The following LGSN variants were observed in gnomAD, a reference collection of about 807,000 sequenced individuals.
LGSN encodes the protein lengsin.
Under a neutral mutation model 19.5 loss-of-function variants are expected in LGSN, and 21 were observed. That is an observed-to-expected ratio of 1.07 (90% CI 0.76 to 1.55). The LOEUF (loss-of-function observed/expected upper bound fraction) is 1.55. Ranked by LOEUF, LGSN falls within the 40% of genes most tolerant of loss-of-function variation. LGSN has a pLI of 0.00. For synonymous variants in LGSN, 257 were observed against 215.6 expected, an observed-to-expected ratio of 1.19 and a Z score of -1.68; for missense variants, 673 against 608.5, an observed-to-expected ratio of 1.11 and a Z score of -1.12.
chr6:63,509,881 T>A, the LGSN span, among the ~76,000 whole-genome samples: 4 of 152,224 alleles, frequency 2.6e-5, no homozygotes, highest in Admixed American at 2.6e-4. Context: ...TGTTTTGCCC[T>A]TCCTCCCACA....
the LGSN span, among the ~76,000 whole-genome samples, chr6:63,433,350 A>C: frequency 6.6e-6 from 1 of 152,320 alleles, no homozygotes; most frequent in Non-Finnish European, 1.5e-5. Flanking sequence ...ATACTATGTT[A>C]ATTACTTCTA....
intron 1 of LGSN, among the ~76,000 whole-genome samples, chr6:63,296,454 A>C (rs554426074): frequency 6.6e-6 from 1 of 151,430 alleles, no homozygotes; most frequent in Admixed American, 6.6e-5. Flanking sequence ...ATAGTCTATA[A>C]TTTTACTTTT....
intron 1 of LGSN, among the ~76,000 whole-genome samples, chr6:63,311,702 C>A (rs548302457): frequency 1.3e-5 from 2 of 152,276 alleles, no homozygotes; most frequent in East Asian, 3.9e-4. Context: ...AACAAATTAG[C>A]ATGAATTTAC....
the LGSN span, among the ~76,000 whole-genome samples, chr6:63,530,891 CAG>C: frequency 6.6e-6 from 1 of 152,072 alleles, no homozygotes; most frequent in Non-Finnish European, 1.5e-5. Flanking sequence ...TATAAACTAT[CAG>C]AGATGTAATG....
chr6:63,384,402 C>A, the LGSN span, among the ~76,000 whole-genome samples: 1 of 152,084 alleles, frequency 6.6e-6, no homozygotes. Flanking sequence ...TTTTCCACTA[C>A]CGTTATGAGC....
chr6:63,524,021 G>T, the LGSN span, among the ~76,000 whole-genome samples: 1 of 151,256 alleles, frequency 6.6e-6, no homozygotes, highest in African/African-American at 2.4e-5. Flanking sequence ...TTGCTCTGTC[G>T]CCCAGGCTGG....
chr6:63,281,676 G>T (rs2127381533), intron 3 of LGSN, among the ~76,000 whole-genome samples: 1 of 152,114 alleles, frequency 6.6e-6, no homozygotes, highest in East Asian at 1.9e-4. Flanking sequence ...ACCCTCAAAA[G>T]TCTACAGTAA....
chr6:63,356,027 T>C, the LGSN span, among the ~76,000 whole-genome samples: 1 of 148,936 alleles, frequency 6.7e-6, no homozygotes, highest in Non-Finnish European at 1.5e-5. Context: ...TCACATATTC[T>C]TCCTTCTACG....
chr6:63,569,519 C>G, the LGSN span, among the ~76,000 whole-genome samples: 1 of 152,244 alleles, frequency 6.6e-6, no homozygotes, highest in Admixed American at 6.5e-5. Context: ...CCACCTTGGT[C>G]TCCCAAAGTA....
chr6:63,444,295 G>A, the LGSN span, among the ~76,000 whole-genome samples: 1 of 152,142 alleles, frequency 6.6e-6, no homozygotes, highest in Non-Finnish European at 1.5e-5. Flanking sequence ...GGCAAGGGAT[G>A]GAGCTGGCAT....
intron 1 of LGSN, among the ~76,000 whole-genome samples, chr6:63,310,486 C>T (rs1329415370): frequency 6.6e-6 from 1 of 151,918 alleles, no homozygotes; most frequent in Non-Finnish European, 1.5e-5. Context: ...AATCTATTCT[C>T]TCAGCAATTT....
At chr6:63,430,425 G>C in the LGSN span, among the ~76,000 whole-genome samples, 1 of 152,026 alleles carries the variant, frequency 6.6e-6, no homozygotes, top group African/African-American at 2.4e-5. Flanking sequence ...GTCTTGCTCT[G>C]TCTCTCAAGC....
chr6:63,422,520 T>G, the LGSN span, among the ~76,000 whole-genome samples: 2 of 152,144 alleles, frequency 1.3e-5, no homozygotes, highest in Non-Finnish European at 2.9e-5. Flanking sequence ...AACCTATAAA[T>G]TATCTAAAAA....
chr6:63,458,050 T>TTATTTG, the LGSN span, among the ~76,000 whole-genome samples: 1 of 151,142 alleles, frequency 6.6e-6, no homozygotes. Flanking sequence ...ATAATTTCAT[T>TTATTTG]TATTTTTATT....
the LGSN span, among the ~76,000 whole-genome samples, chr6:63,446,418 A>C: frequency 6.6e-6 from 1 of 152,036 alleles, no homozygotes; most frequent in Non-Finnish European, 1.5e-5. Flanking sequence ...ACCCTGTCAT[A>C]ATATTTAAGA....
At chr6:63,291,477 G>A (rs1767766442) in intron 2 of LGSN, among the ~76,000 whole-genome samples, 1 of 152,084 alleles carries the variant, frequency 6.6e-6, no homozygotes, top group Non-Finnish European at 1.5e-5. Context: ...GCTGTCCCGC[G>A]ACGGATCTCC....
chr6:63,377,982 T>G, the LGSN span, among the ~76,000 whole-genome samples: 1 of 136,038 alleles, frequency 7.4e-6, no homozygotes, highest in East Asian at 2.1e-4. Context: ...GCCTTATTGC[T>G]GATATGGAGA....
intron 2 of LGSN, among the ~76,000 whole-genome samples, chr6:63,290,663 C>G (rs1042602301): frequency 6.6e-6 from 1 of 152,186 alleles, no homozygotes; most frequent in African/African-American, 2.4e-5. Context: ...CACGGGGTGG[C>G]AAGCATTTTC....
chr6:63,463,856 G>T, the LGSN span, among the ~76,000 whole-genome samples: 1 of 152,140 alleles, frequency 6.6e-6, no homozygotes, highest in Non-Finnish European at 1.5e-5. Context: ...CAAACCTGAT[G>T]TATCAATTTT....
Sources: allele counts gnomAD v4.1 joint callset (sites outside exome capture counted in the v4.1 genomes callset), GRCh38; gene constraint gnomAD v4.1.1; transcripts MANE v1.5; gene names NCBI Gene and HGNC (gene_info 2026-07-23, HGNC 2026-07-21).